The following TMEM51 variants were observed in gnomAD, a reference collection of about 807,000 sequenced individuals.
TMEM51 encodes transmembrane protein 51, also known as chromosome 1 open reading frame 72.
In TMEM51, 8 loss-of-function variants were observed where a neutral mutation model predicts 13.6. The observed-to-expected ratio is 0.59, with a 90% CI of 0.35 to 1.07. The LOEUF (loss-of-function observed/expected upper bound fraction) is 1.07, where lower values mean the gene tolerates loss of function less well. Among genes scored for constraint, TMEM51 ranks in the 50% least tolerant of loss-of-function variants. TMEM51 has a pLI of 0.02. For synonymous variants in TMEM51, 147 were observed against 144.4 expected (o/e 1.02, Z -0.13); for missense variants, 279 against 330.7 (o/e 0.84, Z 1.21).
chr1:15,194,859 C>T (rs565506462), intron 1 of TMEM51, among the ~76,000 whole-genome samples: 4 of 151,610 alleles, frequency 2.6e-5, no homozygotes, highest in East Asian at 1.9e-4. Flanking sequence ...AATTCAAGAG[C>T]GCACCTGCAG....
chr1:15,188,252 T>C (rs1228402966), intron 1 of TMEM51, among the ~76,000 whole-genome samples: 1 of 152,144 alleles, frequency 6.6e-6, no homozygotes, highest in Non-Finnish European at 1.5e-5. Flanking sequence ...GCAGGCTGCA[T>C]CCTGTCCTTC....
At chr1:15,194,174 C>T (rs1643998601) in intron 1 of TMEM51, among the ~76,000 whole-genome samples, 1 of 152,140 alleles carries the variant, frequency 6.6e-6, no homozygotes, top group Admixed American at 6.5e-5. Flanking sequence ...ATTCAAGGCC[C>T]ATATATAATT....
rs1459389690 is a variant in TMEM51 at position 15,161,823 on chromosome 1, G to A, written c.-267+7869G>A. Among the ~76,000 whole-genome samples the A allele has an allele frequency of 4.0e-5, 6 of 151,868 alleles. No individual in the cohort carries two copies. Among genetic ancestry groups the A allele is most frequent in the Non-Finnish European group, 8.8e-5 (6 of 68,020 alleles). On this transcript the variant is annotated intron_variant, in intron 1 of 3. Coordinates refer to ENST00000376008, the MANE Select transcript of TMEM51 (RefSeq NM_001136218.2). This position sits in a 1 kb window ranked among gnomAD's most constrained non-coding sequence, Gnocchi z 4.0. Reference sequence around the variant, plus strand: ...GGGCACCTGTAGTCCCAGCTACTCAGGAGGCTGAGGCAGAAGAATGGCTTG... The same window carrying A: ...GGGCACCTGTAGTCCCAGCTACTCAAGAGGCTGAGGCAGAAGAATGGCTTG...
chr1:15,209,096 G>T (rs773355806), intron 1 of TMEM51, among the ~76,000 whole-genome samples: 2 of 151,874 alleles, frequency 1.3e-5, no homozygotes, highest in Non-Finnish European at 2.9e-5. Context: ...TTGAGACAGG[G>T]TCTCATTCTG....
At chr1:15,155,003 A>G (rs1291463996) in intron 1 of TMEM51, among the ~76,000 whole-genome samples, 1 of 152,090 alleles carries the variant, frequency 6.6e-6, no homozygotes, top group African/African-American at 2.4e-5. Context: ...TGAATGGGTT[A>G]CCCGGAGAAC....
At chr1:15,178,950 A>AT (rs1643530971) in intron 1 of TMEM51, among the ~76,000 whole-genome samples, 1 of 152,240 alleles carries the variant, frequency 6.6e-6, no homozygotes, top group Non-Finnish European at 1.5e-5. Context: ...GGCTGACATC[A>AT]TTAGTCAGAA....
chr1:15,207,483 G>A lies in TMEM51; in HGVS notation c.-266-3007G>A, dbSNP rs975200193. On this transcript the variant is annotated intron_variant, in intron 1 of 3. Coordinates refer to ENST00000376008, the MANE Select transcript of TMEM51 (RefSeq NM_001136218.2). The surrounding 1 kb of genome is among the most constrained non-coding windows in gnomAD (Gnocchi z 4.6). ...TCCATCGTCCCATCTTATTTCAGTC[G>A]TTGTCTTCACGTTCAAGTTCATGGA... is the stretch of plus-strand genomic sequence containing the variant. Among the ~76,000 whole-genome samples, 3 of 152,174 alleles carry A rather than the reference G, an allele frequency of 2.0e-5. No homozygotes were observed. Among genetic ancestry groups the A allele is most frequent in the Admixed American group, 1.3e-4 (2 of 15,284 alleles).
At chr1:15,177,632 C>A (rs568579070) in intron 1 of TMEM51, among the ~76,000 whole-genome samples, 35 of 152,194 alleles carry the variant, frequency 2.3e-4, no homozygotes, top group African/African-American at 8.4e-4. Context: ...CTCTCTGGGA[C>A]CTTGTCTATG....
intron 1 of TMEM51, among the ~76,000 whole-genome samples, chr1:15,170,418 C>G (rs527575292): frequency 5.3e-5 from 8 of 150,474 alleles, no homozygotes; most frequent in African/African-American, 2.0e-4. Flanking sequence ...AAGCGATTCT[C>G]CTGCCTCAGC....
chr1:15,192,801 T>C, intron 1 of TMEM51: 1 of 172,986 alleles, frequency 5.8e-6, no homozygotes, highest in Non-Finnish European at 1.3e-5. Flanking sequence ...GACTAATGCC[T>C]GCAGTCTATT....
chr1:15,199,436 G>A (rs1367204743), intron 1 of TMEM51, among the ~76,000 whole-genome samples: 1 of 152,138 alleles, frequency 6.6e-6, no homozygotes, highest in Non-Finnish European at 1.5e-5. Flanking sequence ...CACCCGGTCA[G>A]TTCACAGAGA....
At chr1:15,162,254 C>T (rs1260410887) in intron 1 of TMEM51, among the ~76,000 whole-genome samples, 1 of 152,086 alleles carries the variant, frequency 6.6e-6, no homozygotes, top group Non-Finnish European at 1.5e-5. Context: ...ACTCTGCCTC[C>T]TGGGTTCATG....
chr1:15,172,297 T>C (rs1395471466), intron 1 of TMEM51, among the ~76,000 whole-genome samples: 1 of 144,732 alleles, frequency 6.9e-6, no homozygotes, highest in African/African-American at 2.6e-5. Flanking sequence ...GGTGGTAGGG[T>C]CACCTGACCC....
upstream of TMEM51, among the ~76,000 whole-genome samples, chr1:15,153,212 C>A (rs540675595): frequency 3.1e-5 from 3 of 96,252 alleles, no homozygotes; most frequent in South Asian, 4.3e-4. Context: ...GAGAGGGAGG[C>A]GGTGGCCTCC....
intron 2 of TMEM51, among the ~76,000 whole-genome samples, chr1:15,213,643 C>T (rs920375302): frequency 2.6e-5 from 4 of 152,208 alleles, no homozygotes; most frequent in Non-Finnish European, 5.9e-5. Context: ...GGACCGCTGG[C>T]TGCTCCCTTT....
chr1:15,174,815 T>C (rs1643404020), intron 1 of TMEM51, among the ~76,000 whole-genome samples: 1 of 152,184 alleles, frequency 6.6e-6, no homozygotes, highest in African/African-American at 2.4e-5. Context: ...TGAACTTTCC[T>C]TGATGCACGT....
In TMEM51 at chr1:15,177,585, C is replaced by T. The variant is rs151291506; in HGVS notation, c.-267+23631C>T. ...TTGGTCACAGACTGAAGGGGGGGGC[C>T]TGTCCCTGTGGTTAATTGGTGATGG... is the stretch of plus-strand genomic sequence containing the variant. On this transcript the variant is annotated intron_variant, in intron 1 of 3. Coordinates refer to ENST00000376008, the MANE Select transcript of TMEM51 (RefSeq NM_001136218.2). Among the ~76,000 whole-genome samples, 372 of 152,320 alleles carry T rather than the reference C, an allele frequency of 2.4e-3. 1 individual carries two copies. Among genetic ancestry groups the T allele is most frequent in the African/African-American group, 8.7e-3 (362 of 41,560 alleles).
intron 1 of TMEM51, chr1:15,164,223 C>T (rs1642904539): frequency 2.5e-6 from 1 of 402,152 alleles, no homozygotes; most frequent in Non-Finnish European, 5.0e-6. Context: ...TTTGATTTCG[C>T]TGGATTTCCC....
At chr1:15,204,106 G>A (rs1285443311) in intron 1 of TMEM51, among the ~76,000 whole-genome samples, 1 of 152,232 alleles carries the variant, frequency 6.6e-6, no homozygotes, top group Non-Finnish European at 1.5e-5. Flanking sequence ...TGTCACACAA[G>A]GACAAATGCT....
Sources: allele counts gnomAD v4.1 joint callset (sites outside exome capture counted in the v4.1 genomes callset), GRCh38; gene constraint gnomAD v4.1.1; non-coding constraint Gnocchi (gnomAD v3.1); transcripts MANE v1.5; gene names NCBI Gene and HGNC (gene_info 2026-07-23, HGNC 2026-07-21).